The following SNX2 variants were observed in gnomAD, a reference collection of about 807,000 sequenced individuals.
SNX2 encodes sorting nexin 2.
SNX2 carries 25 observed loss-of-function variants against 69.9 expected under a neutral mutation model. The ratio of observed to expected loss-of-function variants is 0.36; its 90% CI spans 0.26 to 0.50. SNX2 has a LOEUF of 0.50. Ranked by LOEUF, SNX2 falls within the 20% of genes least tolerant of loss-of-function variation. The pLI is 0.97. For missense variants in SNX2, 551 were observed against 613.3 expected, an observed-to-expected ratio of 0.90 and a Z score of 1.07; for synonymous variants, 229 against 200.4, an observed-to-expected ratio of 1.14 and a Z score of -1.20.
intron 6 of SNX2, among the ~76,000 whole-genome samples, chr5:122,807,775 G>A (rs1753688883): frequency 6.6e-6 from 1 of 152,090 alleles, no homozygotes; most frequent in East Asian, 1.9e-4. Flanking sequence ...AAGTAAATAA[G>A]AACATGCTCT....
Position 122,833,962 on chromosome 5 carries a change from T to G in SNX2, c.*4314T>G, listed in dbSNP as rs1380826779. 6.6e-6 allele frequency: 1 copy of G among 152,216 alleles called. No individual in the cohort carries two copies. The highest frequency in any genetic ancestry group is 1.5e-5 in the Non-Finnish European group (1 of 68,034). 9.4% of individuals were successfully genotyped at this position (152,216 alleles called of 1,614,324 possible). On this transcript the variant is annotated 3_prime_UTR_variant, in exon 15 of 15. Transcript: ENST00000379516. ...ATCTACAATAAATGAATTGTAGTAC[T>G]ATATTGCTTGAAGGAAGTTTATAAC...
chr5:122,831,325 G>T lies in SNX2; in HGVS notation c.*1677G>T, dbSNP rs1754284627. Among the ~76,000 whole-genome samples the T allele has an allele frequency of 1.3e-5, 2 of 151,952 alleles. No homozygotes were observed. The highest frequency in any genetic ancestry group is 2.1e-4 in the South Asian group (1 of 4,810). On this transcript the variant is annotated 3_prime_UTR_variant, in exon 15 of 15. Coordinates refer to ENST00000379516, the MANE Select transcript of SNX2 (RefSeq NM_003100.4). ...TAGGTTAATAATAAGGGCTTGATGGGCCAGGCACAGTGACTCACATGCCTG... is the reference window on the plus strand; with the variant it reads ...TAGGTTAATAATAAGGGCTTGATGGTCCAGGCACAGTGACTCACATGCCTG...
chr5:122,814,225 T>C (rs564377093), intron 7 of SNX2, among the ~76,000 whole-genome samples: 1 of 152,320 alleles, frequency 6.6e-6, no homozygotes, highest in South Asian at 2.1e-4. Flanking sequence ...AACAACGAAA[T>C]AACTTATCTG....
chr5:122,798,294 T>C (rs1753431210), intron 2 of SNX2, among the ~76,000 whole-genome samples: 1 of 152,184 alleles, frequency 6.6e-6, no homozygotes, highest in Admixed American at 6.5e-5. Flanking sequence ...CTATAGCCTG[T>C]TTCAACATAT....
chr5:122,775,140 G>T lies in SNX2; in HGVS notation c.37G>T (p.Gly13Trp). The change falls in exon 1 of 15, where the codon GGG becomes TGG. Residue 13 changes from glycine to tryptophan, a missense_variant. Around this residue, in one of 2 missense-constraint regions of SNX2, gnomAD observed 191 missense variants for 162.9 expected, o/e 1.17. Coordinates refer to ENST00000379516, the MANE Select transcript of SNX2 (RefSeq NM_003100.4). ...GAGGGAACCTCCTCCGCTGGGGGAC[G>T]GGAAGCCCACCGACTTTGAGGATCT... ...AEREPPPLGD[G>W]KPTDFEDLED... 3.1e-6 allele frequency: 5 copies of T among 1,596,040 alleles called. No individual in the cohort carries two copies. Among genetic ancestry groups the T allele is most frequent in the South Asian group, 1.1e-5 (1 of 87,118 alleles).
chr5:122,814,950 C>T lies in SNX2; in HGVS notation c.723-946C>T, dbSNP rs548085361. ...ATTTTTAGTAGAGATGGGGTTTCAC[C>T]ATCTTGGCCAGGCTGGTCTTGAACT... On this transcript the variant is annotated intron_variant, in intron 7 of 14. Transcript: ENST00000379516. 4.6e-5 allele frequency among the ~76,000 whole-genome samples: 7 copies of T among 152,162 alleles called. No homozygotes were observed. In the South Asian group the frequency reaches 1.3e-3, roughly 27 times the overall value.
chr5:122,831,292 A>G lies in SNX2; in HGVS notation c.*1644A>G, dbSNP rs1342815152. Among the ~76,000 whole-genome samples the G allele has an allele frequency of 6.6e-6, 1 of 152,064 alleles. No individual in the cohort carries two copies. Among genetic ancestry groups the G allele is most frequent in the African/African-American group, 2.4e-5 (1 of 41,418 alleles). On this transcript the variant is annotated 3_prime_UTR_variant, in exon 15 of 15. Coordinates refer to ENST00000379516, the MANE Select transcript of SNX2 (RefSeq NM_003100.4). Reference sequence around the variant, plus strand: ...CTCCCACAGCCCAGAAGAGTGGCTGATACATAATAGGTTAATAATAAGGGC... The same window carrying G: ...CTCCCACAGCCCAGAAGAGTGGCTGGTACATAATAGGTTAATAATAAGGGC...
chr5:122,800,444 A>G (rs115994139), intron 3 of SNX2, among the ~76,000 whole-genome samples: 348 of 152,354 alleles, frequency 2.3e-3, no homozygotes, highest in African/African-American at 8.1e-3. Context: ...CGCAAACATA[A>G]TATTAAGGGA....
At chr5:122,811,344 G>A (rs1346741813) in intron 7 of SNX2, among the ~76,000 whole-genome samples, 1 of 152,158 alleles carries the variant, frequency 6.6e-6, no homozygotes, top group Non-Finnish European at 1.5e-5. Flanking sequence ...TTTCTTGAGA[G>A]TGCTTCAGAT....
At chr5:122,785,003 T>G (rs911144146) in intron 1 of SNX2, among the ~76,000 whole-genome samples, 5 of 152,220 alleles carry the variant, frequency 3.3e-5, no homozygotes, top group Non-Finnish European at 5.9e-5. Flanking sequence ...GGCATACTGT[T>G]TTTTGTAGTA....
intron 2 of SNX2, among the ~76,000 whole-genome samples, chr5:122,796,686 A>G (rs992551486): frequency 2.0e-5 from 3 of 152,192 alleles, no homozygotes; most frequent in Non-Finnish European, 4.4e-5. Context: ...TATTCCTTTA[A>G]TGGTATAGGG....
intron 10 of SNX2, 78 bp from the exon 11 acceptor site, chr5:122,818,735 TAGAGA>T (rs1280684347): frequency 8.9e-7 from 1 of 1,128,780 alleles, no homozygotes; most frequent in Non-Finnish European, 1.3e-6. Context: ...AAGTAAAATT[TAGAGA>T]AAAGTGGAAA....
chr5:122,776,633 C>T (rs1048236627), intron 1 of SNX2, among the ~76,000 whole-genome samples: 4 of 152,138 alleles, frequency 2.6e-5, no homozygotes, highest in African/African-American at 9.7e-5. Flanking sequence ...TATACAGCTA[C>T]TTTAACATGT....
Position 122,820,702 on chromosome 5 carries a change from C to G in SNX2, c.1212+1679C>G, listed in dbSNP as rs544581110. On this transcript the variant is annotated intron_variant, in intron 11 of 14. Transcript: ENST00000379516. ...TATTTCCTGAAATTACAGTTATATTCATGTTTTCCAAAATATTTTCTATAG... is the reference window on the plus strand; with the variant it reads ...TATTTCCTGAAATTACAGTTATATTGATGTTTTCCAAAATATTTTCTATAG... 7.9e-5 allele frequency among the ~76,000 whole-genome samples: 12 copies of G among 152,206 alleles called. No homozygotes were observed. In the East Asian group the frequency reaches 2.3e-3, roughly 29 times the overall value.
chr5:122,792,438 A>T (rs965082524), intron 1 of SNX2, among the ~76,000 whole-genome samples: 7 of 152,158 alleles, frequency 4.6e-5, no homozygotes, highest in African/African-American at 1.7e-4. Context: ...TACTAAAAAT[A>T]CAAAAAAAAT....
chr5:122,802,906 CT>C (rs992096576), intron 5 of SNX2, among the ~76,000 whole-genome samples: 11 of 152,236 alleles, frequency 7.2e-5, no homozygotes, highest in African/African-American at 2.4e-4. Flanking sequence ...ACTAGAGGGA[CT>C]TTGCAGCTGT....
intron 6 of SNX2, among the ~76,000 whole-genome samples, chr5:122,806,142 G>GCACACACACACACACACACACA (rs139834252): frequency 4.7e-4 from 62 of 130,592 alleles, no homozygotes; most frequent in Admixed American, 7.6e-4. Flanking sequence ...ACACGCGCGC[G>GCACACACACACACACACACACA]CACACACACA....
In SNX2 at chr5:122,820,459, C is replaced by T. The variant is rs1448406958; in HGVS notation, c.1212+1436C>T. 3.9e-5 allele frequency among the ~76,000 whole-genome samples: 6 copies of T among 152,026 alleles called. No individual in the cohort carries two copies. The East Asian group carries it at 5.8e-4, about 15-fold the overall frequency. On this transcript the variant is annotated intron_variant, in intron 11 of 14. Coordinates refer to ENST00000379516, the MANE Select transcript of SNX2 (RefSeq NM_003100.4). ...GCTGAGGCAGGAGAATCACCTGAACCGGGGAGTCAGAGGTTGCAGTGAGCT... is the reference window on the plus strand; with the variant it reads ...GCTGAGGCAGGAGAATCACCTGAACTGGGGAGTCAGAGGTTGCAGTGAGCT...
chr5:122,801,754 G>T, intron 3 of SNX2, 115 bp from the exon 4 acceptor site: 10 of 590,090 alleles, frequency 1.7e-5, no homozygotes, highest in East Asian at 1.4e-4. Flanking sequence ...GTGCTGGGTG[G>T]CTAAATTATT....
Sources: allele counts gnomAD v4.1 joint callset (sites outside exome capture counted in the v4.1 genomes callset), GRCh38; gene constraint gnomAD v4.1.1; regional missense constraint gnomAD v4.1.1; transcripts MANE v1.5; gene names NCBI Gene and HGNC (gene_info 2026-07-23, HGNC 2026-07-21).